Variants in CACNG2 observed in about 807,000 individuals in gnomAD.
The protein encoded by CACNG2 is calcium voltage-gated channel auxiliary subunit gamma 2.
Under a neutral mutation model 25.9 loss-of-function variants are expected in CACNG2, and 3 were observed. The ratio of observed to expected loss-of-function variants is 0.12; its 90% CI spans 0.05 to 0.30. The LOEUF is 0.30. CACNG2 is among the 10% of genes least tolerant of loss of function. CACNG2 has a pLI of 1.00. For missense variants in CACNG2, 341 were observed against 432.5 expected, an observed-to-expected ratio of 0.79 and a Z score of 1.88; for synonymous variants, 167 against 173.3, an observed-to-expected ratio of 0.96 and a Z score of 0.29.
At chr22:36,625,510 T>C (rs954519783) in intron 1 of CACNG2, among the ~76,000 whole-genome samples, 2 of 152,184 alleles carry the variant, frequency 1.3e-5, no homozygotes, top group Non-Finnish European at 2.9e-5. Context: ...AAACTCTGTG[T>C]TCAGTAAGTA....
In CACNG2 at chr22:36,563,040, TA is replaced by T. The variant is rs553028766; in HGVS notation, c.*1310del. 3 of 152,266 alleles carry T rather than the reference TA, an allele frequency of 2.0e-5. No individual in the cohort carries two copies. In the East Asian group the frequency reaches 5.8e-4, roughly 29 times the overall value. 9.4% of individuals were successfully genotyped at this position (152,266 alleles called of 1,614,324 possible). On this transcript the variant is annotated 3_prime_UTR_variant, in exon 4 of 4. Transcript: ENST00000300105. Reference sequence around the variant, plus strand: ...TCACAGTTTAAAGCTGGAAAAGAATTAAAAGAAAAATACTATCTGATTTTCT... The same window carrying T: ...TCACAGTTTAAAGCTGGAAAAGAATTAAAGAAAAATACTATCTGATTTTCT...
At chr22:36,583,261 C>T (rs868118634) in intron 2 of CACNG2, among the ~76,000 whole-genome samples, 18 of 152,024 alleles carry the variant, frequency 1.2e-4, no homozygotes, top group Admixed American at 9.8e-4. Context: ...GGCAAAATCC[C>T]GTCTCTACTA....
At chr22:36,616,213 T>C (rs1936020099) in intron 1 of CACNG2, among the ~76,000 whole-genome samples, 1 of 152,178 alleles carries the variant, frequency 6.6e-6, no homozygotes, top group Non-Finnish European at 1.5e-5. Flanking sequence ...ATGAGTTAAT[T>C]TGGTGTGATG....
intron 1 of CACNG2, among the ~76,000 whole-genome samples, chr22:36,614,307 C>T (rs115015919): frequency 0.042 from 6,399 of 152,246 alleles, 471 homozygotes; most frequent in African/African-American, 0.14. Flanking sequence ...TCTGCCCACC[C>T]CTGGATACTC....
chr22:36,695,828 C>T (rs1158717516), intron 1 of CACNG2, among the ~76,000 whole-genome samples: 1 of 152,108 alleles, frequency 6.6e-6, no homozygotes. Flanking sequence ...GGCAGTGACC[C>T]TGAAGGACGC....
At chr22:36,608,529 G>A (rs1935877922) in intron 1 of CACNG2, among the ~76,000 whole-genome samples, 1 of 152,172 alleles carries the variant, frequency 6.6e-6, no homozygotes, top group South Asian at 2.1e-4. Flanking sequence ...ATCATCTGAT[G>A]TACTCATCAC....
At chr22:36,638,610 GT>G (rs1936395283) in intron 1 of CACNG2, among the ~76,000 whole-genome samples, 1 of 152,076 alleles carries the variant, frequency 6.6e-6, no homozygotes. Context: ...GGCCCCCTCT[GT>G]CTAACCACAC....
intron 1 of CACNG2, among the ~76,000 whole-genome samples, chr22:36,603,648 C>A (rs193224321): frequency 2.0e-5 from 3 of 152,102 alleles, no homozygotes; most frequent in African/African-American, 4.8e-5. Context: ...AATTTTAGAG[C>A]CCTTAAGAAG....
At chr22:36,630,399 C>A (rs889278603) in intron 1 of CACNG2, among the ~76,000 whole-genome samples, 1 of 152,104 alleles carries the variant, frequency 6.6e-6, no homozygotes, top group Non-Finnish European at 1.5e-5. Context: ...AAGGATGACT[C>A]TCAGGATTTT....
In CACNG2 at chr22:36,564,776, C is replaced by T; in HGVS notation, c.547G>A (p.Gly183Arg). The change falls in exon 4 of 4, where the codon GGG becomes AGG. Residue 183 changes from glycine (G) to arginine (R), a missense_variant. By Grantham distance (125) the Gly-to-Arg change is moderately radical (BLOSUM62 -2). Around this residue, in one of 2 missense-constraint regions of CACNG2, gnomAD observed 169 missense variants for 254.4 expected, o/e 0.66. Coordinates refer to ENST00000300105, the MANE Select transcript of CACNG2 (RefSeq NM_006078.5). This position sits in a 1 kb window ranked among gnomAD's most constrained non-coding sequence, Gnocchi z 6.7. ...SYSYGWSFYF[G>R]ALSFIIAEMV... The stretch of plus-strand genomic sequence containing the variant: ...TCGGCGATGATGAAGGACAGGGCCC[C>T]GAAGTAGAAGGACCAGCCGTATGAG... The T allele has an allele frequency of 6.2e-7, 1 of 1,614,160 alleles. No individual in the cohort carries two copies. Among genetic ancestry groups the T allele is most frequent in the Non-Finnish European group, 8.5e-7 (1 of 1,180,032 alleles).
chr22:36,612,470 C>T (rs1431591173), intron 1 of CACNG2, among the ~76,000 whole-genome samples: 1 of 152,178 alleles, frequency 6.6e-6, no homozygotes, highest in Non-Finnish European at 1.5e-5. Flanking sequence ...ACTCTAGCCT[C>T]CTAAGTCCCT....
chr22:36,666,524 G>T (rs545649002), intron 1 of CACNG2, among the ~76,000 whole-genome samples: 5 of 152,090 alleles, frequency 3.3e-5, no homozygotes, highest in African/African-American at 4.8e-5. Context: ...TGAGGGGCAG[G>T]GGGGAATGAG....
intron 1 of CACNG2, among the ~76,000 whole-genome samples, chr22:36,613,338 T>C (rs1385733564): frequency 6.6e-6 from 1 of 152,146 alleles, no homozygotes; most frequent in East Asian, 1.9e-4. Flanking sequence ...CTAATACCTT[T>C]CTCCCTCAAG....
chr22:36,697,812 C>T (rs1226497120), intron 1 of CACNG2, among the ~76,000 whole-genome samples: 3 of 152,156 alleles, frequency 2.0e-5, no homozygotes, highest in Non-Finnish European at 4.4e-5. Context: ...ATTCTAAGGC[C>T]TGCTCTCTGC....
intron 2 of CACNG2, among the ~76,000 whole-genome samples, chr22:36,581,778 C>T (rs1048418426): frequency 2.0e-5 from 3 of 152,192 alleles, no homozygotes; most frequent in African/African-American, 2.4e-5. Flanking sequence ...ATATCACCTA[C>T]GTGCCAACAA....
At chr22:36,658,677 A>G (rs1936742672) in intron 1 of CACNG2, among the ~76,000 whole-genome samples, 1 of 152,206 alleles carries the variant, frequency 6.6e-6, no homozygotes, top group Non-Finnish European at 1.5e-5. Context: ...CACTGCAGGG[A>G]CCAAAGCAGG....
chr22:36,579,062 C>T (rs187384176), intron 2 of CACNG2, among the ~76,000 whole-genome samples: 103 of 152,288 alleles, frequency 6.8e-4, no homozygotes, highest in African/African-American at 2.3e-3. Flanking sequence ...GAACTCCTCG[C>T]CATCCACAAG....
chr22:36,597,163 C>T (rs1305279685), intron 1 of CACNG2, among the ~76,000 whole-genome samples: 2 of 152,206 alleles, frequency 1.3e-5, no homozygotes, highest in African/African-American at 2.4e-5. Context: ...GCTGGGATTA[C>T]AGGCATCAGC....
At chr22:36,642,018 T>G (rs1480083137) in intron 1 of CACNG2, among the ~76,000 whole-genome samples, 1 of 152,162 alleles carries the variant, frequency 6.6e-6, no homozygotes, top group Non-Finnish European at 1.5e-5. Context: ...GCTCCCTGCC[T>G]GGTTGGAATT....
Sources: allele counts gnomAD v4.1 joint callset (sites outside exome capture counted in the v4.1 genomes callset), GRCh38; gene constraint gnomAD v4.1.1; regional missense constraint gnomAD v4.1.1; non-coding constraint Gnocchi (gnomAD v3.1); transcripts MANE v1.5; gene names NCBI Gene and HGNC (gene_info 2026-07-23, HGNC 2026-07-21).